Variants in SLC22A23 observed in about 807,000 individuals in gnomAD.
The protein encoded by SLC22A23 is solute carrier family 22 member 23.
In SLC22A23, 26 loss-of-function variants were observed where a neutral mutation model predicts 61.0. That is an observed-to-expected ratio of 0.43 (90% CI 0.31 to 0.59). The LOEUF is 0.59. Ranked by LOEUF, SLC22A23 falls within the 20% of genes least tolerant of loss-of-function variation. SLC22A23 has a pLI of 0.11. For synonymous variants in SLC22A23, 430 were observed against 413.9 expected (o/e 1.04, Z -0.47); for missense variants, 796 against 934.7 (o/e 0.85, Z 1.94).
Position 3,362,414 on chromosome 6 carries a change from A to T in SLC22A23, c.914-38412T>A. ...CGAGATTCCGTCTCACAAAAAAAAA[A>T]AATAAAATAAAAAATAAAAAATAAA... On this transcript the variant is annotated intron_variant, in intron 3 of 9. Coordinates refer to ENST00000406686, the MANE Select transcript of SLC22A23 (RefSeq NM_015482.2). 2.7e-5 allele frequency among the ~76,000 whole-genome samples: 2 copies of T among 72,930 alleles called. 1 individual carries two copies. Among genetic ancestry groups the T allele is most frequent in the Non-Finnish European group, 5.7e-5 (2 of 35,238 alleles). The allele number at this position is 72,930 out of a possible 152,430, so 47.8% of individuals were successfully genotyped here. A position where few individuals can be genotyped will look rare whatever the true frequency, so the allele number is the denominator to read the frequency against.
chr6:3,329,222 T>C lies in SLC22A23; in HGVS notation c.914-5220A>G, dbSNP rs990340974. On this transcript the variant is annotated intron_variant, in intron 3 of 9. Coordinates refer to ENST00000406686, the MANE Select transcript of SLC22A23 (RefSeq NM_015482.2). This position sits in a 1 kb window ranked among gnomAD's most constrained non-coding sequence, Gnocchi z 4.8. ...AACTGTTCATTGGATTCAGTGATTA[T>C]AAATAAAATTTTAAAAACCTTTTGA... Among the ~76,000 whole-genome samples, 13 of 151,552 alleles carry C rather than the reference T, an allele frequency of 8.6e-5. No individual in the cohort carries two copies. The highest frequency in any genetic ancestry group is 2.9e-4 in the African/African-American group (12 of 41,020).
At position 3,328,037 on chromosome 6, in the gene SLC22A23, G is replaced by A. The variant is rs1471902897; in HGVS notation, c.914-4035C>T. ...TGCATAACAATATAATTATTGCCAA[G>A]TCGCTCATTGGTCTCATTCGACATG... On this transcript the variant is annotated intron_variant, in intron 3 of 9. Transcript: ENST00000406686. The surrounding 1 kb of genome is among the most constrained non-coding windows in gnomAD (Gnocchi z 5.0). Among the ~76,000 whole-genome samples the A allele has an allele frequency of 6.6e-6, 1 of 151,932 alleles. No individual in the cohort carries two copies. The highest frequency in any genetic ancestry group is 1.5e-5 in the Non-Finnish European group (1 of 68,002).
chr6:3,376,014 A>G (rs1766536922), intron 3 of SLC22A23, among the ~76,000 whole-genome samples: 1 of 152,258 alleles, frequency 6.6e-6, no homozygotes. Flanking sequence ...AGCCTCTTCC[A>G]TATTTCATTT....
intron 1 of SLC22A23, among the ~76,000 whole-genome samples, chr6:3,428,656 G>C (rs930548071): frequency 6.6e-6 from 1 of 152,156 alleles, no homozygotes; most frequent in Non-Finnish European, 1.5e-5. Context: ...AAGGCAAATA[G>C]ACAGCAAAAG....
At chr6:3,287,984 C>T (rs1361043756) in intron 6 of SLC22A23, among the ~76,000 whole-genome samples, 1 of 152,220 alleles carries the variant, frequency 6.6e-6, no homozygotes, top group Non-Finnish European at 1.5e-5. Flanking sequence ...CGCACCCGGC[C>T]TCCGTTTTGA....
In SLC22A23 at chr6:3,445,728, G is replaced by A. The variant is rs373911441; in HGVS notation, c.654+10178C>T. ...GCTGAAGGAAGGAGGGAAGGGGCTCGAGCAAGTGGAATAGCATGAGCAAGG... is the reference window on the plus strand; with the variant it reads ...GCTGAAGGAAGGAGGGAAGGGGCTCAAGCAAGTGGAATAGCATGAGCAAGG... On this transcript the variant is annotated intron_variant, in intron 1 of 9. Transcript: ENST00000406686. 9.9e-5 allele frequency among the ~76,000 whole-genome samples: 15 copies of A among 152,222 alleles called. No individual in the cohort carries two copies. The South Asian group carries it at 1.5e-3, about 15-fold the overall frequency.
At chr6:3,364,577 A>G (rs1409229215) in intron 3 of SLC22A23, among the ~76,000 whole-genome samples, 9 of 152,180 alleles carry the variant, frequency 5.9e-5, no homozygotes, top group African/African-American at 2.2e-4. Context: ...TAAATTCAAC[A>G]CAGAGGTGAG....
rs749304927 is a variant in SLC22A23 at position 3,273,281 on chromosome 6, ATGCAGATGAGCG to A, written c.1823_1834del (p.Thr608_Cys611del). 1 of 1,614,024 alleles carries A rather than the reference ATGCAGATGAGCG, an allele frequency of 6.2e-7. No homozygotes were observed. The highest frequency in any genetic ancestry group is 8.5e-7 in the Non-Finnish European group (1 of 1,179,940). On this transcript the variant is annotated inframe_deletion, in exon 10 of 10. Coordinates refer to ENST00000406686, the MANE Select transcript of SLC22A23 (RefSeq NM_015482.2). ...CTCGGGCAGCAGGAGGATGCAGATGATGCAGATGAGCGTGCAGCAGGCAAAGATGATGTGGTG... is the reference window on the plus strand; with the variant it reads ...CTCGGGCAGCAGGAGGATGCAGATGATGCAGCAGGCAAAGATGATGTGGTG...
At chr6:3,431,128 A>T (rs570182083) in intron 1 of SLC22A23, among the ~76,000 whole-genome samples, 1 of 152,112 alleles carries the variant, frequency 6.6e-6, no homozygotes, top group Non-Finnish European at 1.5e-5. Flanking sequence ...AGGGTTTAAA[A>T]ATGTGGGGCA....
At chr6:3,439,425 G>A (rs542739122) in intron 1 of SLC22A23, 6 of 383,218 alleles carry the variant, frequency 1.6e-5, no homozygotes, top group South Asian at 7.9e-5. Flanking sequence ...AGATGGGCCC[G>A]TTCCACGTGA....
intron 3 of SLC22A23, among the ~76,000 whole-genome samples, chr6:3,403,176 CT>C (rs5873881): frequency 0.95 from 139,873 of 147,224 alleles, 66,491 homozygotes; most frequent in East Asian, 0.99. Flanking sequence ...TAATGTTTTG[CT>C]TTTTTTTTTT....
chr6:3,413,891 GC>G (rs1377392405), intron 2 of SLC22A23, among the ~76,000 whole-genome samples: 2 of 152,182 alleles, frequency 1.3e-5, no homozygotes, highest in South Asian at 2.1e-4. Flanking sequence ...CACTCAGGCA[GC>G]CTGCCCCTGA....
intron 4 of SLC22A23, among the ~76,000 whole-genome samples, chr6:3,300,989 A>AC (rs1761561111): frequency 6.6e-6 from 1 of 151,796 alleles, no homozygotes; most frequent in South Asian, 2.1e-4. Context: ...GCAGGCACTG[A>AC]TTTTTTTTAA....
intron 3 of SLC22A23, among the ~76,000 whole-genome samples, chr6:3,402,425 TCACCAACAC>T (rs1561954610): frequency 4.5e-4 from 68 of 151,746 alleles, no homozygotes; most frequent in African/African-American, 1.2e-3. Flanking sequence ...CCGACCCCAA[TCACCAACAC>T]TACCCAGAGT....
At chr6:3,298,282 CTT>C in intron 4 of SLC22A23, 64 bp from the exon 5 acceptor site, 3 of 1,536,764 alleles carry the variant, frequency 2.0e-6, no homozygotes, top group Non-Finnish European at 2.6e-6. Flanking sequence ...GGAAGTGTGG[CTT>C]AGGTGTGGCC....
intron 3 of SLC22A23, among the ~76,000 whole-genome samples, chr6:3,393,288 G>C (rs931482684): frequency 3.3e-5 from 5 of 152,320 alleles, no homozygotes; most frequent in Admixed American, 2.6e-4. Flanking sequence ...CTGTGAAAGG[G>C]AGAAATGATG....
In SLC22A23 at chr6:3,282,250, T is replaced by G. The variant is rs1479078273; in HGVS notation, c.1703+1602A>C. On this transcript the variant is annotated intron_variant, in intron 9 of 9. Coordinates refer to ENST00000406686, the MANE Select transcript of SLC22A23 (RefSeq NM_015482.2). ...CCGTCCTTTAGACAGGGAGTGAGCC[T>G]GCGGTCGGCCTGAGGTATCCTGCAA... 4.3e-6 allele frequency: 3 copies of G among 702,494 alleles called. No homozygotes were observed. The African/African-American group carries it at 5.2e-5, about 12-fold the overall frequency. The allele number at this position is 702,494 out of a possible 1,614,324, so 43.5% of individuals were successfully genotyped here.
chr6:3,441,977 C>T (rs1581898101), intron 1 of SLC22A23, among the ~76,000 whole-genome samples: 1 of 152,184 alleles, frequency 6.6e-6, no homozygotes, highest in South Asian at 2.1e-4. Flanking sequence ...GAGGGCATCA[C>T]CCAAGTTCCC....
intron 3 of SLC22A23, among the ~76,000 whole-genome samples, chr6:3,401,281 T>C (rs1042480647): frequency 5.9e-5 from 9 of 152,186 alleles, no homozygotes; most frequent in African/African-American, 1.9e-4. Context: ...GAGGTTGTAG[T>C]GAGCCGAGAT....
Sources: allele counts gnomAD v4.1 joint callset (sites outside exome capture counted in the v4.1 genomes callset), GRCh38; gene constraint gnomAD v4.1.1; non-coding constraint Gnocchi (gnomAD v3.1); transcripts MANE v1.5; gene names NCBI Gene and HGNC (gene_info 2026-07-23, HGNC 2026-07-21).